KDM4C: variants seen among roughly 807,000 people sequenced by gnomAD.
KDM4C encodes the protein lysine-specific demethylase 4C.
A neutral mutation model predicts 129.3 loss-of-function variants in KDM4C; 81 were observed. That is an observed-to-expected ratio of 0.63 (90% CI 0.52 to 0.75). KDM4C has a LOEUF of 0.75. Among genes scored for constraint, KDM4C ranks in the 30% least tolerant of loss-of-function variants. The pLI, the probability that KDM4C is intolerant of heterozygous loss-of-function variation, is 0.00. For missense variants in KDM4C, 1,457 were observed against 1,304.0 expected (o/e 1.12, Z -1.81); for synonymous variants, 573 against 456.1 (o/e 1.26, Z -3.26).
chr9:6,934,754 G>A (rs538894932), intron 8 of KDM4C, among the ~76,000 whole-genome samples: 8 of 151,986 alleles, frequency 5.3e-5, no homozygotes, highest in South Asian at 2.1e-4. Flanking sequence ...GAGCCACTGC[G>A]CCCGGCCCAC....
At chr9:6,752,828 A>T (rs998906043), upstream of KDM4C, among the ~76,000 whole-genome samples, 3 of 152,204 alleles carry the variant, frequency 2.0e-5, no homozygotes, top group Non-Finnish European at 4.4e-5. Context: ...ACTTTATAAA[A>T]ATAGCAATAA....
rs558998005 is a variant in KDM4C at position 7,022,317 on chromosome 9, C to G, written c.2259+6388C>G. Among the ~76,000 whole-genome samples the G allele has an allele frequency of 2.5e-3, 374 of 152,176 alleles. 2 individuals are homozygous for G. Among genetic ancestry groups the G allele is most frequent in the African/African-American group, 8.5e-3 (355 of 41,548 alleles). On this transcript the variant is annotated intron_variant, in intron 15 of 21. Transcript: ENST00000381309. ...TTATCTTTCCATTTTTTTGTTTCCT[C>G]TTCAATTTTTTGCATCAGTGTTTTA... is the stretch of plus-strand genomic sequence containing the variant.
chr9:6,912,757 A>G (rs537433002), intron 8 of KDM4C, among the ~76,000 whole-genome samples: 10 of 152,314 alleles, frequency 6.6e-5, no homozygotes, highest in African/African-American at 2.4e-4. Context: ...GATAGCAGGT[A>G]TTAGTGTCTG....
chr9:6,748,020 C>G (rs1283182993), intron 1 of KDM4C, among the ~76,000 whole-genome samples: 1 of 151,506 alleles, frequency 6.6e-6, no homozygotes, highest in Admixed American at 6.6e-5. Flanking sequence ...TCCACTAAAA[C>G]CACAAAAATT....
intron 8 of KDM4C, among the ~76,000 whole-genome samples, chr9:6,956,601 A>G (rs965393028): frequency 1.3e-5 from 2 of 152,144 alleles, no homozygotes; most frequent in Non-Finnish European, 2.9e-5. Context: ...TTGTTTATGT[A>G]TTATCTAAGG....
At chr9:7,119,445 G>T (rs967716041) in intron 18 of KDM4C, among the ~76,000 whole-genome samples, 4 of 152,042 alleles carry the variant, frequency 2.6e-5, no homozygotes, top group African/African-American at 9.7e-5. Flanking sequence ...AACAGTTTTT[G>T]TAACTGTCTA....
In KDM4C at chr9:6,986,374, A is replaced by G. The variant is rs772487360; in HGVS notation, c.1385A>G (p.Glu462Gly). ...GNSCLSTSVT[E>G]DIKTEDDKAY... Reference sequence around the variant, plus strand: ...AGCTGCTTAAGTACATCTGTAACAGAAGACATAAAAACTGAGGATGACAAA... The same window carrying G: ...AGCTGCTTAAGTACATCTGTAACAGGAGACATAAAAACTGAGGATGACAAA... The change falls in exon 11 of 22, where the codon GAA becomes GGA. Residue 462 changes from glutamate (E) to glycine (G), a missense_variant. By Grantham distance (98) the Glu-to-Gly change is moderately conservative (BLOSUM62 -2). Coordinates refer to ENST00000381309, the MANE Select transcript of KDM4C (RefSeq NM_015061.6). 2 of 1,612,834 alleles carry G rather than the reference A, an allele frequency of 1.2e-6. No homozygotes were observed. Among genetic ancestry groups the G allele is most frequent in the Admixed American group, 3.3e-5 (2 of 59,946 alleles).
chr9:6,921,697 T>A (rs1821545276), intron 8 of KDM4C, among the ~76,000 whole-genome samples: 2 of 152,124 alleles, frequency 1.3e-5, no homozygotes, highest in African/African-American at 4.8e-5. Flanking sequence ...GCTCAGAATC[T>A]CCCCTTCCTA....
At chr9:7,097,150 T>C (rs1429722389) in intron 17 of KDM4C, among the ~76,000 whole-genome samples, 6 of 152,232 alleles carry the variant, frequency 3.9e-5, no homozygotes, top group Admixed American at 3.9e-4. Flanking sequence ...TTCTTCTTAG[T>C]GGCTTTCTTA....
In KDM4C at chr9:6,733,998, A is replaced by T. The variant is rs183630451; in HGVS notation, c.49+13001A>T. Among the ~76,000 whole-genome samples, 25 of 152,256 alleles carry T rather than the reference A, an allele frequency of 1.6e-4. No homozygotes were observed. In the East Asian group the frequency reaches 4.8e-3, roughly 29 times the overall value. On this transcript the variant is annotated intron_variant, in intron 1 of 17. Transcript: ENST00000536108. Reference sequence around the variant, plus strand: ...TTTACTGCAGCCTGTTTTATCAGCAAGGTCTTTATGAGCTATATCTTGTGC... The same window carrying T: ...TTTACTGCAGCCTGTTTTATCAGCATGGTCTTTATGAGCTATATCTTGTGC...
intron 17 of KDM4C, among the ~76,000 whole-genome samples, chr9:7,059,769 C>T (rs1474906626): frequency 6.6e-6 from 1 of 152,142 alleles, no homozygotes; most frequent in Admixed American, 6.5e-5. Context: ...AAAACAACGC[C>T]ACTCTTCAAG....
intron 7 of KDM4C, among the ~76,000 whole-genome samples, chr9:6,891,125 A>T (rs768555279): frequency 6.6e-6 from 1 of 152,126 alleles, no homozygotes; most frequent in Non-Finnish European, 1.5e-5. Context: ...ATTATTACTG[A>T]GGTGGGAGTA....
chr9:7,023,893 G>T (rs192714042), intron 15 of KDM4C, among the ~76,000 whole-genome samples: 1 of 152,136 alleles, frequency 6.6e-6, no homozygotes, highest in Non-Finnish European at 1.5e-5. Context: ...TGGACCCACT[G>T]GTCATTCAGG....
intron 12 of KDM4C, among the ~76,000 whole-genome samples, chr9:7,004,927 A>G (rs1475404587): frequency 6.6e-6 from 1 of 152,204 alleles, no homozygotes; most frequent in African/African-American, 2.4e-5. Context: ...AATAAAGTAC[A>G]CTGACACACA....
At chr9:6,861,795 A>G (rs571625325) in intron 5 of KDM4C, among the ~76,000 whole-genome samples, 11 of 147,080 alleles carry the variant, frequency 7.5e-5, no homozygotes, top group African/African-American at 2.8e-4. Flanking sequence ...TTTTTTCTCG[A>G]GATGGAGTCT....
chr9:6,757,405 A>G (rs1304314720), upstream of KDM4C, among the ~76,000 whole-genome samples: 1 of 152,188 alleles, frequency 6.6e-6, no homozygotes, highest in Non-Finnish European at 1.5e-5. Context: ...AGAGGCTGAC[A>G]CGCTCCTGCG....
intron 19 of KDM4C, among the ~76,000 whole-genome samples, chr9:7,140,320 T>A (rs1395680162): frequency 2.0e-5 from 3 of 152,200 alleles, no homozygotes; most frequent in Non-Finnish European, 2.9e-5. Context: ...TACAGGGCTT[T>A]ATGTTTGTTT....
rs61750313 is a variant in KDM4C at position 6,814,646 on chromosome 9, A to G, written c.336A>G (p.Arg112=). ...LANSGKYCTP[R]YLDYEDLERK... ...CCTTTTACAGATATTGTACTCCAAG[A>G]TACTTGGATTACGAAGATTTGGAGC... Residue 112 remains arginine, a synonymous_variant, in exon 4 of 22, where the codon AGA becomes AGG. Coordinates refer to ENST00000381309, the MANE Select transcript of KDM4C (RefSeq NM_015061.6). 5.6e-5 allele frequency: 89 copies of G among 1,601,354 alleles called. 1 individual carries two copies. In the Middle Eastern group the frequency reaches 3.6e-3, roughly 65 times the overall value.
At chr9:7,082,745 G>A (rs1267941052) in intron 17 of KDM4C, among the ~76,000 whole-genome samples, 1 of 152,040 alleles carries the variant, frequency 6.6e-6, no homozygotes, top group African/African-American at 2.4e-5. Flanking sequence ...AGATCTACAG[G>A]GAATAAACAA....
Sources: allele counts gnomAD v4.1 joint callset (sites outside exome capture counted in the v4.1 genomes callset), GRCh38; gene constraint gnomAD v4.1.1; transcripts MANE v1.5; gene names NCBI Gene and HGNC (gene_info 2026-07-23, HGNC 2026-07-21).